The following CCNJ variants were observed in gnomAD, a reference collection of about 807,000 sequenced individuals.
CCNJ encodes cyclin-J.
In CCNJ, 12 loss-of-function variants were observed where a neutral mutation model predicts 41.4. The observed-to-expected ratio is 0.29, with a 90% confidence interval of 0.19 to 0.47. The LOEUF (loss-of-function observed/expected upper bound fraction) is 0.47. Among genes scored for constraint, CCNJ ranks in the 20% least tolerant of loss-of-function variants. CCNJ has a pLI of 1.00. For missense variants in CCNJ, 340 were observed against 464.6 expected, an observed-to-expected ratio of 0.73 and a Z score of 2.47; for synonymous variants, 161 against 173.4, an observed-to-expected ratio of 0.93 and a Z score of 0.56.
chr10:96,049,102 G>GTT (rs1402674659), intron 2 of CCNJ, among the ~76,000 whole-genome samples: 4 of 152,048 alleles, frequency 2.6e-5, no homozygotes, highest in African/African-American at 7.2e-5. Flanking sequence ...GTTTTGTTTT[G>GTT]TTTTGTTTTG....
chr10:96,056,489 A>G (rs888316796), intron 3 of CCNJ, among the ~76,000 whole-genome samples: 2 of 152,040 alleles, frequency 1.3e-5, no homozygotes, highest in Non-Finnish European at 2.9e-5. Flanking sequence ...ATGTATTTCA[A>G]GCATTTTTTT....
chr10:96,049,319 A>G (rs865939363), intron 2 of CCNJ, among the ~76,000 whole-genome samples: 14 of 152,064 alleles, frequency 9.2e-5, no homozygotes, highest in Non-Finnish European at 2.1e-4. Context: ...ATCCAGTTGT[A>G]TAAGTTATTT....
intron 2 of CCNJ, among the ~76,000 whole-genome samples, chr10:96,047,560 C>G (rs962688134): frequency 6.6e-6 from 1 of 152,014 alleles, no homozygotes; most frequent in East Asian, 1.9e-4. Context: ...ATTGCTTGAG[C>G]CTGGGAGGTG....
At chr10:96,047,627 CCT>C (rs2142032675) in intron 2 of CCNJ, among the ~76,000 whole-genome samples, 1 of 152,160 alleles carries the variant, frequency 6.6e-6, no homozygotes, top group Non-Finnish European at 1.5e-5. Context: ...TACAGGAAAC[CCT>C]GTCTCAAAAA....
At chr10:96,043,075 G>C (rs1246263569), upstream of CCNJ, 1 of 152,278 alleles carries the variant, frequency 6.6e-6, no homozygotes, top group Non-Finnish European at 1.5e-5. Context: ...AGCACATTTG[G>C]AGGGCCTGAT....
Position 96,044,967 on chromosome 10 carries a change from T to G in CCNJ, c.69+505T>G, listed in dbSNP as rs907710187. On this transcript the variant is annotated intron_variant, in intron 2 of 5. Transcript: ENST00000465148. ...TTATGATTCTGGCGATTGTGAAACT[T>G]AAGTTAGTACCGTACATGTGCTTAG... 1.5e-4 allele frequency among the ~76,000 whole-genome samples: 23 copies of G among 151,896 alleles called. No homozygotes were observed. The South Asian group carries it at 4.4e-3, about 29-fold the overall frequency.
At chr10:96,056,678 C>A in intron 3 of CCNJ, 23 bp from the exon 4 acceptor site, 2 of 1,549,088 alleles carry the variant, frequency 1.3e-6, no homozygotes, top group South Asian at 2.5e-5. Context: ...TTTCTCTCCC[C>A]TCCCATCCCC....
intron 5 of CCNJ, among the ~76,000 whole-genome samples, chr10:96,057,563 A>T (rs966149407): frequency 1.3e-5 from 2 of 152,210 alleles, no homozygotes; most frequent in African/African-American, 2.4e-5. Flanking sequence ...GGATGTTACC[A>T]AATTGGCAGC....
chr10:96,048,787 T>A (rs538040652), intron 2 of CCNJ, among the ~76,000 whole-genome samples: 9 of 152,346 alleles, frequency 5.9e-5, no homozygotes, highest in African/African-American at 1.9e-4. Flanking sequence ...TAATACTCCA[T>A]GTATATACCA....
At chr10:96,048,178 C>CT (rs1319257561) in intron 2 of CCNJ, among the ~76,000 whole-genome samples, 1 of 152,152 alleles carries the variant, frequency 6.6e-6, no homozygotes, top group Non-Finnish European at 1.5e-5. Context: ...TTTATCCAGT[C>CT]TATCATTGAT....
intron 2 of CCNJ, among the ~76,000 whole-genome samples, chr10:96,046,562 A>G (rs960733343): frequency 7.2e-5 from 11 of 152,204 alleles, no homozygotes; most frequent in African/African-American, 9.7e-5. Context: ...ACGAGACATG[A>G]TCCTTGCCTT....
intron 5 of CCNJ, 25 bp from the exon 6 acceptor site, chr10:96,057,805 A>G (rs748504008): frequency 4.4e-6 from 7 of 1,596,242 alleles, no homozygotes; most frequent in Non-Finnish European, 3.4e-6. Context: ...TATTTTTAAT[A>G]GTTTCCTTTC....
upstream of CCNJ, chr10:96,043,430 C>A (rs963803885): frequency 5.3e-6 from 2 of 376,048 alleles, no homozygotes; most frequent in Non-Finnish European, 9.4e-6. Context: ...CGGGAGCCGC[C>A]GCGCCGCCGC....
At position 96,058,004 on chromosome 10, in the gene CCNJ, G is replaced by A. The variant is rs117174614; in HGVS notation, c.915G>A (p.Thr305=). The A allele has an allele frequency of 0.017, 26,707 of 1,613,994 alleles. 273 individuals are homozygous for A. Among genetic ancestry groups the A allele is most frequent in the Non-Finnish European group, 0.02 (23,417 of 1,179,968 alleles). Reference sequence around the variant, plus strand: ...CCTCACTGCAGTATCGCCATCCTACGTCAGAACAACCAAGCTGTCAGCAGA... The same window carrying A: ...CCTCACTGCAGTATCGCCATCCTACATCAGAACAACCAAGCTGTCAGCAGA... The part of the protein sequence containing the change: ...HQTSLQYRHP[T]SEQPSCQQIV... The change falls in exon 6 of 6, where the codon ACG becomes ACA. Residue 305 remains threonine (T), a synonymous_variant. Transcript: ENST00000465148.
chr10:96,045,169 CAA>C (rs2142023099), intron 2 of CCNJ, among the ~76,000 whole-genome samples: 1 of 152,266 alleles, frequency 6.6e-6, no homozygotes, highest in East Asian at 1.9e-4. Context: ...CAACACAAAG[CAA>C]AGTCTGTGTA....
chr10:96,058,126 T>C lies in CCNJ; in HGVS notation c.1037T>C (p.Val346Ala). 6.2e-7 allele frequency: 1 copy of C among 1,614,204 alleles called. No individual in the cohort carries two copies. The highest frequency in any genetic ancestry group is 8.5e-7 in the Non-Finnish European group (1 of 1,180,028). Residue 346 changes from valine to alanine, a missense_variant, in exon 6 of 6, where the codon GTT (valine) becomes GCT (alanine). Val to Ala is a moderately conservative substitution (Grantham distance 64). Transcript: ENST00000465148. ...VQGLGHMQTGVGMSLAIPVEV... is the reference protein window; with the variant it reads ...VQGLGHMQTGAGMSLAIPVEV... ...GGCCTTGGGCACATGCAGACTGGTG[T>C]TGGGATGTCACTGGCAATACCAGTA...
At position 96,058,712 on chromosome 10, in the gene CCNJ, T is replaced by G. The variant is rs909228319; in HGVS notation, c.*471T>G. 1.5e-5 allele frequency: 6 copies of G among 390,396 alleles called. No individual in the cohort carries two copies. The highest frequency in any genetic ancestry group is 1.3e-3 in the Middle Eastern group (2 of 1,554). 24.2% of individuals were successfully genotyped at this position (390,396 alleles called of 1,614,324 possible). On this transcript the variant is annotated 3_prime_UTR_variant, in exon 6 of 6. Transcript: ENST00000465148. The stretch of plus-strand genomic sequence containing the variant: ...TTTTTTATTCTGCAATTTTTTATTT[T>G]TGTTCTACACATGAATTTTTGACTA...
Position 96,058,271 on chromosome 10 carries a change from C to A in CCNJ, c.*30C>A. The A allele has an allele frequency of 6.3e-7, 1 of 1,584,554 alleles. No homozygotes were observed. Among genetic ancestry groups the A allele is most frequent in the Non-Finnish European group, 8.6e-7 (1 of 1,162,132 alleles). The stretch of plus-strand genomic sequence containing the variant: ...TTGTGAAGCTGATAACCGACCCAGA[C>A]TGCTTTGTGACATGAAGCTATGGGT... On this transcript the variant is annotated 3_prime_UTR_variant, in exon 6 of 6. Coordinates refer to ENST00000465148, the MANE Select transcript of CCNJ (RefSeq NM_001134375.2).
At position 96,058,662 on chromosome 10, in the gene CCNJ, T is replaced by C. The variant is rs1242260960; in HGVS notation, c.*421T>C. 2.5e-6 allele frequency: 1 copy of C among 400,002 alleles called. No individual in the cohort carries two copies. The highest frequency in any genetic ancestry group is 2.1e-5 in the African/African-American group (1 of 48,640). The allele number at this position is 400,002 out of a possible 1,614,324, so 24.8% of individuals were successfully genotyped here. A position where few individuals can be genotyped will look rare whatever the true frequency, so the allele number is the denominator to read the frequency against. ...CAAACAGTCTTTTATGAAGGAAAGT[T>C]ACAGTATTAATTTTTGAAAAGGTTT... On this transcript the variant is annotated 3_prime_UTR_variant, in exon 6 of 6. Transcript: ENST00000465148.
Sources: allele counts gnomAD v4.1 joint callset (sites outside exome capture counted in the v4.1 genomes callset), GRCh38; gene constraint gnomAD v4.1.1; transcripts MANE v1.5; gene names NCBI Gene and HGNC (gene_info 2026-07-23, HGNC 2026-07-21).